KSR2: variants seen among roughly 807,000 people sequenced by gnomAD.
KSR2 encodes the protein kinase suppressor of ras 2.
A neutral mutation model predicts 107.8 loss-of-function variants in KSR2; 25 were observed. That is an observed-to-expected ratio of 0.23 (90% confidence interval 0.17 to 0.32). KSR2 has a LOEUF of 0.32. Among genes scored for constraint, KSR2 ranks in the 10% least tolerant of loss-of-function variants. The probability of loss-of-function intolerance (pLI) is 1.00; values close to 1 mark genes in which losing one functional copy is unlikely to be tolerated. For missense variants in KSR2, 887 were observed against 1,268.9 expected, an observed-to-expected ratio of 0.70 and a Z score of 4.57; for synonymous variants, 480 against 507.0, an observed-to-expected ratio of 0.95 and a Z score of 0.71.
chr12:117,747,722 C>T (rs939472255), intron 4 of KSR2, among the ~76,000 whole-genome samples: 2 of 152,116 alleles, frequency 1.3e-5, no homozygotes, highest in African/African-American at 2.4e-5. Flanking sequence ...CATTAATCAT[C>T]GAGGAATTGC....
chr12:117,614,195 A>G (rs11068573), intron 5 of KSR2, among the ~76,000 whole-genome samples: 8,231 of 152,268 alleles, frequency 0.054, 615 homozygotes, highest in African/African-American at 0.17. Context: ...ATTTAAATAA[A>G]TAGAACACTA....
chr12:117,526,981 A>C, intron 13 of KSR2, 90 bp downstream of exon 13: 9 of 1,054,246 alleles, frequency 8.5e-6, no homozygotes, highest in African/African-American at 1.6e-5. Flanking sequence ...CCTGACCCCA[A>C]GCCCTCTGCG....
chr12:117,773,309 C>T (rs752532483), intron 3 of KSR2, among the ~76,000 whole-genome samples: 1 of 152,106 alleles, frequency 6.6e-6, no homozygotes, highest in Non-Finnish European at 1.5e-5. Flanking sequence ...TTTTTAAGAA[C>T]TGAAAGGTCT....
chr12:117,702,370 G>A (rs370920920), intron 4 of KSR2, among the ~76,000 whole-genome samples: 4 of 138,908 alleles, frequency 2.9e-5, no homozygotes, highest in South Asian at 2.3e-4. Flanking sequence ...CCCTATCACC[G>A]AGCTATCTAC....
intron 3 of KSR2, among the ~76,000 whole-genome samples, chr12:117,786,504 C>T (rs1310431906): frequency 6.6e-6 from 1 of 151,948 alleles, no homozygotes; most frequent in Non-Finnish European, 1.5e-5. Flanking sequence ...CTTAAGCAGA[C>T]CCTAGTATCT....
At chr12:117,930,024 T>C (rs1895651762) in intron 1 of KSR2, among the ~76,000 whole-genome samples, 1 of 152,140 alleles carries the variant, frequency 6.6e-6, no homozygotes, top group Non-Finnish European at 1.5e-5. Flanking sequence ...ATAAATATCA[T>C]GTATACATAC....
intron 4 of KSR2, among the ~76,000 whole-genome samples, chr12:117,678,414 T>C (rs1310189261): frequency 6.6e-6 from 1 of 152,050 alleles, no homozygotes; most frequent in Non-Finnish European, 1.5e-5. Context: ...TACTAGGAGT[T>C]AGGATTCCGG....
At chr12:117,683,373 T>C (rs1286940097) in intron 4 of KSR2, among the ~76,000 whole-genome samples, 2 of 152,172 alleles carry the variant, frequency 1.3e-5, no homozygotes, top group Admixed American at 1.3e-4. Flanking sequence ...AGTTACACAT[T>C]GAAGATCAAA....
At chr12:117,961,490 T>C (rs1373254262) in intron 1 of KSR2, among the ~76,000 whole-genome samples, 3 of 152,214 alleles carry the variant, frequency 2.0e-5, no homozygotes, top group African/African-American at 7.2e-5. Context: ...ATGGGACTTA[T>C]ATTATCTCAC....
chr12:117,589,358 AT>A (rs1289874298), intron 5 of KSR2, among the ~76,000 whole-genome samples: 2 of 152,202 alleles, frequency 1.3e-5, no homozygotes, highest in African/African-American at 2.4e-5. Flanking sequence ...TGGGACCTAG[AT>A]TATGTGATTT....
intron 5 of KSR2, among the ~76,000 whole-genome samples, chr12:117,610,121 A>G (rs1036380477): frequency 6.6e-6 from 1 of 152,148 alleles, no homozygotes; most frequent in Admixed American, 6.5e-5. Flanking sequence ...TATGCTTTCT[A>G]GATATTACTC....
chr12:117,495,233 C>A (rs1872959059), intron 14 of KSR2, among the ~76,000 whole-genome samples: 1 of 152,226 alleles, frequency 6.6e-6, no homozygotes, highest in Non-Finnish European at 1.5e-5. Flanking sequence ...CTCTTTCCCC[C>A]TCCCTTGAGT....
chr12:117,532,748 A>T (rs953879570), intron 10 of KSR2, among the ~76,000 whole-genome samples: 2 of 151,956 alleles, frequency 1.3e-5, no homozygotes, highest in African/African-American at 4.8e-5. Flanking sequence ...CACTTACTCC[A>T]TTGGGGAATA....
intron 5 of KSR2, among the ~76,000 whole-genome samples, chr12:117,633,335 G>C (rs1882897085): frequency 6.6e-6 from 1 of 152,146 alleles, no homozygotes; most frequent in Non-Finnish European, 1.5e-5. Flanking sequence ...TCATCTTCAT[G>C]TCTCAGCTTG....
intron 5 of KSR2, among the ~76,000 whole-genome samples, chr12:117,656,941 G>GATATATATATAT (rs71099068): frequency 1.9e-4 from 19 of 102,446 alleles, no homozygotes; most frequent in African/African-American, 5.9e-4. Context: ...TATATAATAG[G>GATATATATATAT]ATATATATAT....
At chr12:117,720,538 G>C (rs1887165473) in intron 4 of KSR2, among the ~76,000 whole-genome samples, 1 of 152,234 alleles carries the variant, frequency 6.6e-6, no homozygotes, top group African/African-American at 2.4e-5. Context: ...CCAGCATCCT[G>C]ATTGGCATCC....
At chr12:117,965,057 C>T (rs369228658) in intron 1 of KSR2, among the ~76,000 whole-genome samples, 2 of 152,158 alleles carry the variant, frequency 1.3e-5, no homozygotes, top group African/African-American at 2.4e-5. Context: ...CCCCACTTCC[C>T]GGGCTCCCTT....
At chr12:117,915,021 A>G (rs1464190850) in intron 1 of KSR2, among the ~76,000 whole-genome samples, 1 of 152,252 alleles carries the variant, frequency 6.6e-6, no homozygotes, top group Non-Finnish European at 1.5e-5. Context: ...ACTAAATGTT[A>G]GCAGGGATAC....
chr12:117,523,206 T>C (rs1474321382), intron 14 of KSR2, among the ~76,000 whole-genome samples: 1 of 152,174 alleles, frequency 6.6e-6, no homozygotes, highest in Non-Finnish European at 1.5e-5. Context: ...ATAAGTGGAC[T>C]TAAGAAGGTT....
Sources: allele counts gnomAD v4.1 joint callset (sites outside exome capture counted in the v4.1 genomes callset), GRCh38; gene constraint gnomAD v4.1.1; transcripts MANE v1.5; gene names NCBI Gene and HGNC (gene_info 2026-07-23, HGNC 2026-07-21).